Variants in GZMB observed in about 807,000 individuals in gnomAD.
GZMB encodes the protein T-cell serine protease 1-3E.
A neutral mutation model predicts 24.2 loss-of-function variants in GZMB; 27 were observed. That is an observed-to-expected ratio of 1.12 (90% confidence interval 0.82 to 1.54). The LOEUF is 1.54. Among genes scored for constraint, GZMB ranks in the 40% most tolerant of loss-of-function variants. GZMB has a pLI of 0.00. For missense variants in GZMB, 336 were observed against 310.1 expected, an observed-to-expected ratio of 1.08 and a Z score of -0.63; for synonymous variants, 121 against 115.1, an observed-to-expected ratio of 1.05 and a Z score of -0.33.
intron 4 of GZMB, 69 bp downstream of exon 4, chr14:24,631,789 C>A (rs2138502670): frequency 3.0e-6 from 4 of 1,313,550 alleles, no homozygotes; most frequent in East Asian, 4.6e-5. Context: ...CTACTTGAGT[C>A]TCCAGGTCTC....
rs751757520 is a variant in GZMB, at chr14:24,631,102, T to C, written c.713A>G (p.His238Arg). 7 of 1,613,498 alleles carry C rather than the reference T, an allele frequency of 4.3e-6. No homozygotes were observed. The highest frequency in any genetic ancestry group is 1.6e-4 in the Middle Eastern group (1 of 6,084). Residue 238 changes from histidine to arginine, a missense_variant, in exon 5 of 5, where the codon CAC becomes CGC. Physicochemically the swap from His to Arg is conservative, Grantham distance 29. Transcript: ENST00000216341. Reference protein sequence around the residue: ...RACTKVSSFVHWIKKTMKRY With the variant: ...RACTKVSSFVRWIKKTMKRY ...GCGTTTCATGGTTTTCTTTATCCAGTGTACAAAGCTTGAGACTTTGGTGCA... is the reference window on the plus strand; with the variant it reads ...GCGTTTCATGGTTTTCTTTATCCAGCGTACAAAGCTTGAGACTTTGGTGCA...
At chr14:24,632,185 G>T (rs2067002569) in intron 3 of GZMB, 67 bp from the exon 4 acceptor site, 1 of 1,586,506 alleles carries the variant, frequency 6.3e-7, no homozygotes, top group Non-Finnish European at 8.6e-7. Flanking sequence ...ACAGTGATGG[G>T]GCTGCACAAT....
chr14:24,631,084 A>T lies in GZMB; in HGVS notation c.731T>A (p.Met244Lys), dbSNP rs752473990. ...SSFVHWIKKT[M>K]KRY ...TGCTTCCTGTAGTTAGTAGCGTTTC[A>T]TGGTTTTCTTTATCCAGTGTACAAA... The change falls in exon 5 of 5, where the codon ATG (methionine) becomes AAG (lysine). Residue 244 changes from methionine (M) to lysine (K), a missense_variant. Met to Lys is a moderately conservative substitution (Grantham distance 95). Coordinates refer to ENST00000216341, the MANE Select transcript of GZMB (RefSeq NM_004131.6). 9.9e-6 allele frequency: 16 copies of T among 1,613,230 alleles called. No individual in the cohort carries two copies. The African/African-American group carries it at 2.1e-4, about 22-fold the overall frequency.
rs61747598 is a variant in GZMB at position 24,631,939 on chromosome 14, G to T, written c.519C>A (p.Cys173Ter). 7.4e-6 allele frequency: 12 copies of T among 1,613,830 alleles called. No homozygotes were observed. The highest frequency in any genetic ancestry group is 9.3e-6 in the Non-Finnish European group (11 of 1,179,794). ...CGTAATAATGGCGTAAGTCAGATTC[G>T]CACTTTCGATCTTCCTGCACTGTCA... ...VKMTVQEDRK[C>*]ESDLRHYYDS... The change falls in exon 4 of 5, where the codon TGC becomes TGA. Residue 173 changes from cysteine to a stop codon, truncating the protein, a stop_gained. Transcript: ENST00000216341. LOFTEE classifies it high-confidence loss of function.
intron 4 of GZMB, 137 bp downstream of exon 4, chr14:24,631,721 T>G: frequency 1.3e-6 from 1 of 769,226 alleles, no homozygotes; most frequent in South Asian, 1.7e-5. Context: ...CTCAGTCTAG[T>G]CCCCTCTTCT....
Position 24,631,884 on chromosome 14 carries a change from G to T in GZMB, c.574C>A (p.Pro192Thr), listed in dbSNP as rs770840459. ...TTAAAGGAAGTCTTTTTAATCTCTG[G>T]GTCCCCCACGCACAACTCAATGGTA... ...DSTIELCVGD[P>T]EIKKTSFKGD... The change falls in exon 4 of 5, where the codon CCA (proline) becomes ACA (threonine). Residue 192 changes from proline (P) to threonine (T), a missense_variant. By Grantham distance (38) the Pro-to-Thr change is conservative. Coordinates refer to ENST00000216341, the MANE Select transcript of GZMB (RefSeq NM_004131.6). 3.7e-6 allele frequency: 6 copies of T among 1,613,790 alleles called. No homozygotes were observed. Among genetic ancestry groups the T allele is most frequent in the Admixed American group, 1.7e-5 (1 of 60,008 alleles).
At position 24,632,346 on chromosome 14, in the gene GZMB, G is replaced by A. The variant is rs2067004747; in HGVS notation, c.317C>T (p.Ser106Phe). 6.2e-7 allele frequency: 1 copy of A among 1,610,656 alleles called. No homozygotes were observed. Residue 106 changes from serine (S) to phenylalanine (F), a missense_variant, in exon 3 of 5, where the codon TCC becomes TTC. By Grantham distance (155) the Ser-to-Phe change is radical. Coordinates refer to ENST00000216341, the MANE Select transcript of GZMB (RefSeq NM_004131.6). ...CACCTGCAGTAGCATGATGTCGTTG[G>A]AGAAGTTCTTAGGATTATAGGCTGG... ...PHPAYNPKNF[S>F]NDIMLLQLER...
chr14:24,633,199 C>G, intron 1 of GZMB, 137 bp from the exon 2 acceptor site: 1 of 1,445,482 alleles, frequency 6.9e-7, no homozygotes, highest in Non-Finnish European at 9.1e-7. Flanking sequence ...GAAGGGGCTT[C>G]AATTTCCTGC....
At chr14:24,633,390 T>TCTCCTGACTTTGCTTTGTTTCAGGTG in intron 1 of GZMB, 1 of 666,582 alleles carries the variant, frequency 1.5e-6, no homozygotes, top group Non-Finnish European at 1.9e-6. Flanking sequence ...GTGTCTAGGA[T>TCTCCTGACTTTGCTTTGTTTCAGGTG]AGTGCTGCTT....
Position 24,631,914 on chromosome 14 carries a change from C to T in GZMB, c.544G>A (p.Asp182Asn), listed in dbSNP as rs138221069. The change falls in exon 4 of 5, where the codon GAC becomes AAC. Residue 182 changes from aspartate (D) to asparagine (N), a missense_variant. Coordinates refer to ENST00000216341, the MANE Select transcript of GZMB (RefSeq NM_004131.6). The part of the protein sequence containing the change: ...KCESDLRHYY[D>N]STIELCVGDP... ...CCCACGCACAACTCAATGGTACTGTCGTAATAATGGCGTAAGTCAGATTCG... is the reference window on the plus strand; with the variant it reads ...CCCACGCACAACTCAATGGTACTGTTGTAATAATGGCGTAAGTCAGATTCG... The T allele has an allele frequency of 2.4e-5, 39 of 1,613,890 alleles. No individual in the cohort carries two copies. The East Asian group carries it at 3.6e-4, about 15-fold the overall frequency.
chr14:24,633,995 G>C (rs1205992632), intron 1 of GZMB, 111 bp downstream of exon 1: 1 of 960,356 alleles, frequency 1.0e-6, no homozygotes, highest in African/African-American at 1.6e-5. Context: ...TGGTAGAATG[G>C]GAGCTGGAGT....
Position 24,631,046 on chromosome 14 carries a change from C to G in GZMB, c.*25G>C. ...CTCCAGAGAAGGTGTTTCATTACAG[C>G]GGGGGCTTAGTTTGCTTCCTGTAGT... is the stretch of plus-strand genomic sequence containing the variant. On this transcript the variant is annotated 3_prime_UTR_variant, in exon 5 of 5. Transcript: ENST00000216341. 1.3e-6 allele frequency: 2 copies of G among 1,592,736 alleles called. No individual in the cohort carries two copies. Among genetic ancestry groups the G allele is most frequent in the Non-Finnish European group, 1.7e-6 (2 of 1,161,278 alleles).
Position 24,631,979 on chromosome 14 carries a change from AGT to A in GZMB, c.477_478del (p.Leu160ThrfsTer16). 6.2e-7 allele frequency: 1 copy of A among 1,614,130 alleles called. No individual in the cohort carries two copies. The highest frequency in any genetic ancestry group is 8.5e-7 in the Non-Finnish European group (1 of 1,180,006). ...CTGCACTGTCATCTTCACCTCTTGTAGTGTGTGTGAGTGTTTTCCCAGGGGGG... is the reference window on the plus strand; with the variant it reads ...CTGCACTGTCATCTTCACCTCTTGTAGTGTGTGAGTGTTTTCCCAGGGGGG... On this transcript the variant is annotated frameshift_variant, in exon 4 of 5. Coordinates refer to ENST00000216341, the MANE Select transcript of GZMB (RefSeq NM_004131.6). LOFTEE classifies it high-confidence loss of function.
intron 2 of GZMB, 86 bp from the exon 3 acceptor site, chr14:24,632,545 G>T: frequency 6.3e-7 from 1 of 1,592,090 alleles, no homozygotes; most frequent in Non-Finnish European, 8.6e-7. Context: ...AGCTGGGGCA[G>T]GGCTGCAGCT....
intron 2 of GZMB, 92 bp downstream of exon 2, chr14:24,632,823 T>C (rs936525199): frequency 4.7e-6 from 6 of 1,282,032 alleles, no homozygotes; most frequent in Non-Finnish European, 6.8e-6. Flanking sequence ...CTGGCATGTG[T>C]GTTCACAGGA....
In GZMB at chr14:24,631,900, C is replaced by T. The variant is rs150419134; in HGVS notation, c.558G>A (p.Glu186=). Reference sequence around the variant, plus strand: ...TAATCTCTGGGTCCCCCACGCACAACTCAATGGTACTGTCGTAATAATGGC... The same window carrying T: ...TAATCTCTGGGTCCCCCACGCACAATTCAATGGTACTGTCGTAATAATGGC... The part of the protein sequence containing the change: ...DLRHYYDSTI[E]LCVGDPEIKK... The change falls in exon 4 of 5, where the codon GAG becomes GAA. Residue 186 remains glutamate (E), a synonymous_variant. Coordinates refer to ENST00000216341, the MANE Select transcript of GZMB (RefSeq NM_004131.6). 156 of 1,613,990 alleles carry T rather than the reference C, an allele frequency of 9.7e-5. 1 individual carries two copies. Among genetic ancestry groups the T allele is most frequent in the Non-Finnish European group, 1.3e-4 (151 of 1,179,820 alleles).
intron 4 of GZMB, 160 bp downstream of exon 4, chr14:24,631,698 A>C: frequency 1.5e-6 from 1 of 675,112 alleles, no homozygotes; most frequent in South Asian, 1.9e-5. Flanking sequence ...CAGAGGCCCT[A>C]ATTTCTCCCC....
In GZMB at chr14:24,632,106, C is replaced by T. The variant is rs1047924991; in HGVS notation, c.352G>A (p.Ala118Thr). Residue 118 changes from alanine (A) to threonine (T), a missense_variant, in exon 4 of 5, where the codon GCC becomes ACC. Transcript: ENST00000216341. Reference sequence around the variant, plus strand: ...GGCTGCACAGCTCTGGTCCGCTTGGCCTTTCTCTCCAGCTGGTGGGGAAGA... The same window carrying T: ...GGCTGCACAGCTCTGGTCCGCTTGGTCTTTCTCTCCAGCTGGTGGGGAAGA... Reference protein sequence around the residue: ...DIMLLQLERKAKRTRAVQPLR... With the variant: ...DIMLLQLERKTKRTRAVQPLR... 9.9e-6 allele frequency: 16 copies of T among 1,613,502 alleles called. No individual in the cohort carries two copies. Among genetic ancestry groups the T allele is most frequent in the Middle Eastern group, 1.6e-4 (1 of 6,074 alleles).
In GZMB at chr14:24,631,133, G is replaced by C; in HGVS notation, c.682C>G (p.Arg228Gly). ...AAGCTTGAGACTTTGGTGCAGGCTC[G>C]TGGAGGCATGCCATTGTTTCGTCCA... The part of the protein sequence containing the change: ...SYGRNNGMPP[R>G]ACTKVSSFVH... Residue 228 changes from arginine (R) to glycine (G), a missense_variant, in exon 5 of 5, where the codon CGA (arginine) becomes GGA (glycine). Coordinates refer to ENST00000216341, the MANE Select transcript of GZMB (RefSeq NM_004131.6). 1 of 1,612,078 alleles carries C rather than the reference G, an allele frequency of 6.2e-7. No homozygotes were observed. The highest frequency in any genetic ancestry group is 8.5e-7 in the Non-Finnish European group (1 of 1,178,174).
Sources: allele counts gnomAD v4.1 joint callset, GRCh38; gene constraint gnomAD v4.1.1; transcripts MANE v1.5; gene names NCBI Gene and HGNC (gene_info 2026-07-23, HGNC 2026-07-21).